Variants in DNAH5 observed in about 807,000 individuals in gnomAD.
The protein encoded by DNAH5 is dynein axonemal heavy chain 5.
In DNAH5, 372 loss-of-function variants were observed where a neutral mutation model predicts 518.2. The observed-to-expected ratio is 0.72, with a 90% CI of 0.66 to 0.78. DNAH5 has a LOEUF of 0.78. Among genes scored for constraint, DNAH5 ranks in the 30% least tolerant of loss-of-function variants. The pLI, the probability that DNAH5 is intolerant of heterozygous loss-of-function variation, is 0.00. For synonymous variants in DNAH5, 2,039 were observed against 2,025.9 expected (o/e 1.01, Z -0.17); for missense variants, 5,523 against 5,687.0 (o/e 0.97, Z 0.93).
At chr5:13,924,246 A>C (rs1229536191) in intron 3 of DNAH5, among the ~76,000 whole-genome samples, 1 of 152,176 alleles carries the variant, frequency 6.6e-6, no homozygotes, top group East Asian at 1.9e-4. Context: ...AGGTAGGACC[A>C]CTTAATGATT....
intron 12 of DNAH5, among the ~76,000 whole-genome samples, chr5:13,907,358 G>C (rs1040699471): frequency 2.0e-5 from 3 of 152,156 alleles, no homozygotes; most frequent in Non-Finnish European, 2.9e-5. Flanking sequence ...TTGAACCCGG[G>C]AGGCAGAGGT....
At chr5:13,826,927 A>C (rs949595991) in intron 38 of DNAH5, among the ~76,000 whole-genome samples, 1 of 152,224 alleles carries the variant, frequency 6.6e-6, no homozygotes, top group Admixed American at 6.5e-5. Context: ...AAACGTTTGC[A>C]ACTTCCTAGA....
chr5:13,938,680 C>G (rs1480533140), intron 1 of DNAH5, among the ~76,000 whole-genome samples: 3 of 151,966 alleles, frequency 2.0e-5, no homozygotes. Flanking sequence ...CTGGATAAGA[C>G]AGAACTACTA....
intron 7 of DNAH5, among the ~76,000 whole-genome samples, chr5:13,917,985 CA>C (rs2151988180): frequency 1.3e-5 from 2 of 152,322 alleles, no homozygotes; most frequent in Admixed American, 1.3e-4. Context: ...GTGAGTTAGG[CA>C]GCCTCTATGA....
chr5:13,864,781 T>A (rs961101678), intron 27 of DNAH5, 144 bp from the exon 28 acceptor site: 2 of 897,360 alleles, frequency 2.2e-6, no homozygotes, highest in East Asian at 2.5e-5. Flanking sequence ...AGGCTGTCTG[T>A]TCATATAATA....
At chr5:13,984,959 C>G (rs937924304) in intron 1 of DNAH5, among the ~76,000 whole-genome samples, 25 of 152,128 alleles carry the variant, frequency 1.6e-4, no homozygotes, top group Non-Finnish European at 3.4e-4. Context: ...AATCATGCTG[C>G]TATAAAGACA....
At chr5:13,730,625 G>A (rs1049567999) in intron 68 of DNAH5, among the ~76,000 whole-genome samples, 5 of 151,690 alleles carry the variant, frequency 3.3e-5, no homozygotes, top group East Asian at 3.9e-4. Flanking sequence ...TAGTGAAGAC[G>A]AGGTTTCACC....
intron 15 of DNAH5, chr5:13,897,514 T>C (rs1020998470): frequency 2.6e-5 from 4 of 152,254 alleles, no homozygotes; most frequent in Admixed American, 1.3e-4. Flanking sequence ...TATTAGCCTG[T>C]ACTTGGTCTT....
upstream of DNAH5, among the ~76,000 whole-genome samples, chr5:13,947,268 C>T (rs1156986776): frequency 6.6e-6 from 1 of 152,144 alleles, no homozygotes; most frequent in Non-Finnish European, 1.5e-5. Flanking sequence ...ATTTTCTAAA[C>T]TCATCTCTAA....
intron 1 of DNAH5, among the ~76,000 whole-genome samples, chr5:13,979,161 T>G (rs1401931970): frequency 6.6e-6 from 1 of 152,140 alleles, no homozygotes; most frequent in Non-Finnish European, 1.5e-5. Flanking sequence ...CACTGTTCCC[T>G]TTGCAGCAAT....
chr5:13,886,169 A>G, intron 17 of DNAH5, 40 bp from the exon 18 acceptor site: 1 of 1,542,284 alleles, frequency 6.5e-7, no homozygotes, highest in Non-Finnish European at 8.8e-7. Context: ...GCACAGTGGT[A>G]TATGGTTTAT....
chr5:13,748,463 T>C (rs1580044245), intron 65 of DNAH5, among the ~76,000 whole-genome samples: 1 of 152,260 alleles, frequency 6.6e-6, no homozygotes, highest in East Asian at 1.9e-4. Context: ...TATAAATTAC[T>C]TTGGGCAGTA....
intron 1 of DNAH5, among the ~76,000 whole-genome samples, chr5:13,951,109 A>C (rs1231909616): frequency 6.6e-6 from 1 of 151,162 alleles, no homozygotes; most frequent in African/African-American, 2.4e-5. Flanking sequence ...TCCACTTCAC[A>C]CACTGGCATT....
intron 74 of DNAH5, among the ~76,000 whole-genome samples, chr5:13,716,064 C>G (rs1208779587): frequency 6.6e-6 from 1 of 152,196 alleles, no homozygotes; most frequent in Non-Finnish European, 1.5e-5. Flanking sequence ...GGTTAAGGAA[C>G]AGATGTCATG....
chr5:13,857,950 G>A (rs1328224919), intron 30 of DNAH5, among the ~76,000 whole-genome samples: 2 of 152,060 alleles, frequency 1.3e-5, no homozygotes, highest in East Asian at 3.9e-4. Context: ...CATAGGCATG[G>A]GCAAAGACTT....
intron 3 of DNAH5, among the ~76,000 whole-genome samples, chr5:13,927,110 G>C (rs13152958): frequency 0.33 from 50,005 of 151,970 alleles, 9,201 homozygotes; most frequent in East Asian, 0.76. Flanking sequence ...CATTTAATCA[G>C]ATATTGACTT....
At chr5:13,896,017 G>A (rs1370183209) in intron 15 of DNAH5, among the ~76,000 whole-genome samples, 1 of 151,780 alleles carries the variant, frequency 6.6e-6, no homozygotes, top group Non-Finnish European at 1.5e-5. Flanking sequence ...GTGGAAGCAG[G>A]GAGACAACAG....
intron 29 of DNAH5, among the ~76,000 whole-genome samples, chr5:13,861,188 C>T (rs1011560227): frequency 6.6e-6 from 1 of 152,150 alleles, no homozygotes; most frequent in Non-Finnish European, 1.5e-5. Flanking sequence ...ACATGAGTGT[C>T]TTTTCTATCT....
intron 29 of DNAH5, 65 bp downstream of exon 29, chr5:13,862,483 A>G: frequency 2.7e-6 from 4 of 1,494,466 alleles, no homozygotes; most frequent in Non-Finnish European, 3.7e-6. Flanking sequence ...TGGATTTTTC[A>G]TTAATTTTAA....
Sources: allele counts gnomAD v4.1 joint callset (sites outside exome capture counted in the v4.1 genomes callset), GRCh38; gene constraint gnomAD v4.1.1; transcripts MANE v1.5; gene names NCBI Gene and HGNC (gene_info 2026-07-23, HGNC 2026-07-21).